The following SCML2 variants were observed in gnomAD, a reference collection of about 807,000 sequenced individuals.
SCML2 encodes sex comb on midleg-like protein 2.
In SCML2, 6 loss-of-function variants were observed where a neutral mutation model predicts 48.4. The observed-to-expected ratio is 0.12, with a 90% CI of 0.07 to 0.24. SCML2 has a LOEUF of 0.24. Ranked by LOEUF, SCML2 falls within the 10% of genes least tolerant of loss-of-function variation. The pLI, the probability that SCML2 is intolerant of heterozygous loss-of-function variation, is 1.00. For missense variants in SCML2, 377 were observed against 528.2 expected, an observed-to-expected ratio of 0.71 and a Z score of 2.81; for synonymous variants, 181 against 189.5, an observed-to-expected ratio of 0.95 and a Z score of 0.37.
intron 11 of SCML2, among the ~76,000 whole-genome samples, chrX:18,254,281 G>C (rs1416978066): frequency 8.9e-6 from 1 of 112,060 alleles, no homozygotes; most frequent in Non-Finnish European, 1.9e-5. Flanking sequence ...AAAAATGTAA[G>C]AGAAATGGGA....
chrX:18,267,406 CCTTTGAT>C (rs745971621), intron 7 of SCML2, among the ~76,000 whole-genome samples: 295 of 111,251 alleles, frequency 2.7e-3, no homozygotes, highest in African/African-American at 9.1e-3. Flanking sequence ...CTTTTATCAC[CCTTTGAT>C]CTTTGATCAT....
At chrX:18,284,730 T>C (rs779806020) in intron 7 of SCML2, among the ~76,000 whole-genome samples, 8 of 112,164 alleles carry the variant, frequency 7.1e-5, no homozygotes, top group South Asian at 3.7e-4. Flanking sequence ...GAATGGCTAT[T>C]ATTTAAAAAG....
intron 7 of SCML2, among the ~76,000 whole-genome samples, chrX:18,282,662 C>A (rs1027780581): frequency 9.9e-5 from 11 of 111,077 alleles, no homozygotes; most frequent in African/African-American, 3.6e-4. Context: ...ACAAAACCAA[C>A]AAAACTCTAC....
chrX:18,345,639 GCCTC>G (rs1930174208), intron 1 of SCML2, among the ~76,000 whole-genome samples: 1 of 110,758 alleles, frequency 9.0e-6, no homozygotes, highest in Non-Finnish European at 1.9e-5. Flanking sequence ...GAATCCTCTT[GCCTC>G]AGCCTCTCAA....
chrX:18,312,011 T>G (rs1417729004), intron 6 of SCML2, among the ~76,000 whole-genome samples: 1 of 111,711 alleles, frequency 9.0e-6, no homozygotes, highest in Non-Finnish European at 1.9e-5. Flanking sequence ...AGGCTGGTCT[T>G]GAACTCCTGA....
intron 7 of SCML2, among the ~76,000 whole-genome samples, chrX:18,300,938 C>T (rs1185382458): frequency 9.1e-6 from 1 of 110,360 alleles, no homozygotes; most frequent in Non-Finnish European, 1.9e-5. Flanking sequence ...AATACAGCCA[C>T]AAAATAGATA....
intron 1 of SCML2, among the ~76,000 whole-genome samples, chrX:18,348,334 A>T (rs1187318088): frequency 1.8e-5 from 2 of 112,000 alleles, no homozygotes; most frequent in Non-Finnish European, 1.9e-5. Context: ...GGTTTCTAAC[A>T]CCGGCCCTAC....
rs771410637 is a variant in SCML2 at position 18,250,226 on chromosome X, A to G, written c.1457-2344T>C. 3.6e-5 allele frequency among the ~76,000 whole-genome samples: 4 copies of G among 111,609 alleles called. No individual in the cohort carries two copies. In the South Asian group the frequency reaches 1.1e-3, roughly 32 times the overall value. On this transcript the variant is annotated intron_variant, in intron 11 of 14. Coordinates refer to ENST00000251900, the MANE Select transcript of SCML2 (RefSeq NM_006089.3). ...ACTGGACTTACTAGACAAATACTTT[A>G]TTTTGGGACACAGTCTCACTCTGTT...
In SCML2 at chrX:18,311,253, C is replaced by A. The variant is rs1461281502; in HGVS notation, c.487-6038G>T. On this transcript the variant is annotated intron_variant, in intron 6 of 14. Transcript: ENST00000251900. ...ATATTTACTTAGTATCTACTATATT[C>A]CGGACACTACTGAAGGTTCTTGGGA... is the stretch of plus-strand genomic sequence containing the variant. Among the ~76,000 whole-genome samples the A allele has an allele frequency of 2.7e-5, 3 of 111,840 alleles. No individual in the cohort carries two copies. The Admixed American group carries it at 2.9e-4, about 11-fold the overall frequency.
chrX:18,344,047 T>G (rs1328557036), intron 1 of SCML2, among the ~76,000 whole-genome samples: 1 of 109,866 alleles, frequency 9.1e-6, no homozygotes, highest in East Asian at 2.8e-4. Flanking sequence ...AAAATTTTTT[T>G]AAAAGACCAG....
rs981940792 is a variant in SCML2, at chrX:18,240,674, A to G, written c.*577T>C. On this transcript the variant is annotated 3_prime_UTR_variant, in exon 15 of 15. Transcript: ENST00000251900. ...CAAATACAACATACAGAGAAATAAT[A>G]AAAGGAAAATAATTTATATGGCTAT... 2.7e-5 allele frequency: 3 copies of G among 112,425 alleles called. No individual in the cohort carries two copies. The highest frequency in any genetic ancestry group is 5.6e-5 in the Non-Finnish European group (3 of 53,271). 9.3% of individuals were successfully genotyped at this position (112,425 alleles called of 1,213,427 possible). A position where few individuals can be genotyped will look rare whatever the true frequency, so the allele number is the denominator to read the frequency against.
chrX:18,257,080 A>C, intron 10 of SCML2, 50 bp from the exon 11 acceptor site: 1 of 872,247 alleles, frequency 1.1e-6, no homozygotes, highest in Middle Eastern at 3.0e-4. Context: ...GATGAGAAAT[A>C]CAACACTAAT....
intron 7 of SCML2, among the ~76,000 whole-genome samples, chrX:18,301,352 C>A (rs768880538): frequency 9.1e-6 from 1 of 110,263 alleles, no homozygotes; most frequent in South Asian, 3.9e-4. Flanking sequence ...GAGCCAAGAT[C>A]ACACCACTGC....
intron 8 of SCML2, among the ~76,000 whole-genome samples, chrX:18,264,473 G>C (rs896498869): frequency 3.0e-5 from 3 of 100,015 alleles, no homozygotes; most frequent in Non-Finnish European, 4.1e-5. Flanking sequence ...GTGTGTGTGT[G>C]TGTGTGTCTG....
In SCML2 at chrX:18,261,176, A is replaced by AT. The variant is rs746249261; in HGVS notation, c.949-886dup. Reference sequence around the variant, plus strand: ...CAATGTTAAAGAAACAAAAAATGTGATTTTTTTTTTTTTGTCTTGCTATGT... The same window carrying AT: ...CAATGTTAAAGAAACAAAAAATGTGATTTTTTTTTTTTTTGTCTTGCTATGT... On this transcript the variant is annotated intron_variant, in intron 8 of 14. Coordinates refer to ENST00000251900, the MANE Select transcript of SCML2 (RefSeq NM_006089.3). Among the ~76,000 whole-genome samples the AT allele has an allele frequency of 1.1e-3, 109 of 100,775 alleles. 1 individual carries two copies. The highest frequency in any genetic ancestry group is 2.4e-3 in the East Asian group (8 of 3,266). The allele number at this position is 100,775 out of a possible 115,157, so 87.5% of individuals were successfully genotyped here.
chrX:18,298,668 C>A (rs1355850010), intron 7 of SCML2, among the ~76,000 whole-genome samples: 1 of 110,701 alleles, frequency 9.0e-6, no homozygotes, highest in Non-Finnish European at 1.9e-5. Context: ...ACCAGACTGG[C>A]CAACATGGGG....
intron 1 of SCML2, among the ~76,000 whole-genome samples, chrX:18,337,258 C>T (rs764309573): frequency 3.2e-5 from 3 of 93,834 alleles, no homozygotes; most frequent in Non-Finnish European, 6.2e-5. Context: ...GCCAAGAACG[C>T]GCCACTCACT....
intron 1 of SCML2, among the ~76,000 whole-genome samples, chrX:18,344,391 C>A: frequency 9.0e-6 from 1 of 111,702 alleles, no homozygotes; most frequent in Non-Finnish European, 1.9e-5. Flanking sequence ...TGATTCAAAT[C>A]GAGGTTTGTC....
rs1334854264 is a variant in SCML2, at chrX:18,262,205, GC to G, written c.949-1915del. Among the ~76,000 whole-genome samples the G allele has an allele frequency of 7.4e-5, 8 of 107,750 alleles. No individual in the cohort carries two copies. The East Asian group carries it at 2.3e-3, about 31-fold the overall frequency. The allele number at this position is 107,750 out of a possible 115,157, so 93.6% of individuals were successfully genotyped here. On this transcript the variant is annotated intron_variant, in intron 8 of 14. Transcript: ENST00000251900. The stretch of plus-strand genomic sequence containing the variant: ...GATTCTATGTCTTTATATTTAGAGT[GC>G]ATCTCTTGTAGACAGGACATATTTG...
Sources: allele counts gnomAD v4.1 joint callset (sites outside exome capture counted in the v4.1 genomes callset), GRCh38; gene constraint gnomAD v4.1.1; transcripts MANE v1.5; gene names NCBI Gene and HGNC (gene_info 2026-07-23, HGNC 2026-07-21).